The following CLSTN1 variants were observed in gnomAD, a reference collection of about 807,000 sequenced individuals.
The protein encoded by CLSTN1 is calsyntenin 1.
In CLSTN1, 28 loss-of-function variants were observed where a neutral mutation model predicts 108.3. That is an observed-to-expected ratio of 0.26 (90% CI 0.19 to 0.35). The LOEUF (loss-of-function observed/expected upper bound fraction) is 0.35, where lower values mean the gene tolerates loss of function less well. Ranked by LOEUF, CLSTN1 falls within the 10% of genes least tolerant of loss-of-function variation. The pLI, the probability that CLSTN1 is intolerant of heterozygous loss-of-function variation, is 1.00. For missense variants in CLSTN1, 1,157 were observed against 1,302.6 expected, an observed-to-expected ratio of 0.89 and a Z score of 1.72; for synonymous variants, 524 against 534.9, an observed-to-expected ratio of 0.98 and a Z score of 0.28.
chr1:9,779,983 G>C (rs898005193), intron 1 of CLSTN1, among the ~76,000 whole-genome samples: 3 of 151,978 alleles, frequency 2.0e-5, no homozygotes, highest in Non-Finnish European at 4.4e-5. Flanking sequence ...CTCCTGAGTA[G>C]CTGGAATTAC....
At chr1:9,806,858 AAC>A (rs1468472084) in intron 1 of CLSTN1, among the ~76,000 whole-genome samples, 1 of 152,182 alleles carries the variant, frequency 6.6e-6, no homozygotes, top group African/African-American at 2.4e-5. Context: ...CAGCCTGGGC[AAC>A]AGAGTGAGAT....
At chr1:9,788,986 C>A (rs1037943430) in intron 1 of CLSTN1, among the ~76,000 whole-genome samples, 7 of 151,396 alleles carry the variant, frequency 4.6e-5, no homozygotes, top group African/African-American at 1.4e-4. Context: ...CCTCGAGGTG[C>A]CCCCCTGCTG....
At chr1:9,800,330 G>A (rs1406210630) in intron 1 of CLSTN1, among the ~76,000 whole-genome samples, 2 of 151,678 alleles carry the variant, frequency 1.3e-5, no homozygotes, top group Admixed American at 1.3e-4. Flanking sequence ...TAAGCCTCTA[G>A]CCAGGCTAAC....
At chr1:9,754,411 T>C (rs915188808) in intron 4 of CLSTN1, among the ~76,000 whole-genome samples, 1 of 151,416 alleles carries the variant, frequency 6.6e-6, no homozygotes, top group African/African-American at 2.4e-5. Flanking sequence ...ATACAAAAAT[T>C]AGCCAGGCGT....
rs941525967 is a variant in CLSTN1 at position 9,730,213 on chromosome 1, G to C, written c.*295C>G. The C allele has an allele frequency of 6.2e-6, 3 of 484,906 alleles. No homozygotes were observed. The highest frequency in any genetic ancestry group is 1.1e-5 in the Non-Finnish European group (3 of 265,914). 30.0% of individuals were successfully genotyped at this position (484,906 alleles called of 1,614,324 possible). On this transcript the variant is annotated 3_prime_UTR_variant, in exon 19 of 19. Transcript: ENST00000377298. The surrounding 1 kb of genome is among the most constrained non-coding windows in gnomAD (Gnocchi z 5.6). ...TGCGAGGGGCCAGTGTCCTCTCCCCGGGGGGAGACTCCAGACACAAACGCG... is the reference window on the plus strand; with the variant it reads ...TGCGAGGGGCCAGTGTCCTCTCCCCCGGGGGAGACTCCAGACACAAACGCG...
intron 1 of CLSTN1, among the ~76,000 whole-genome samples, chr1:9,796,259 C>G (rs1252507544): frequency 1.8e-5 from 1 of 55,530 alleles, no homozygotes; most frequent in African/African-American, 5.4e-5. Context: ...AAGACTGTCT[C>G]CAAAAACAAA....
Position 9,735,143 on chromosome 1 carries a change from G to C in CLSTN1, c.1915C>G (p.Pro639Ala). 6.2e-7 allele frequency: 1 copy of C among 1,614,194 alleles called. No homozygotes were observed. Among genetic ancestry groups the C allele is most frequent in the Non-Finnish European group, 8.5e-7 (1 of 1,180,044 alleles). The change falls in exon 14 of 19, where the codon CCC becomes GCC. Residue 639 changes from proline to alanine, a missense_variant. Physicochemically the swap from Pro to Ala is conservative, Grantham distance 27 (BLOSUM62 -1). Coordinates refer to ENST00000377298, the MANE Select transcript of CLSTN1 (RefSeq NM_001009566.3). ...CFNEATCISVPPVDGYVMVLQ... is the reference protein window; with the variant it reads ...CFNEATCISVAPVDGYVMVLQ... ...ACCATCACGTAGCCATCTACCGGGG[G>C]GACCGAAATGCAGGTGGCCTCGTTA...
intron 2 of CLSTN1, among the ~76,000 whole-genome samples, chr1:9,757,539 C>A (rs1033218023): frequency 6.6e-6 from 1 of 152,172 alleles, no homozygotes; most frequent in African/African-American, 2.4e-5. Flanking sequence ...CCGCACCCAG[C>A]CGAACAAAAG....
At chr1:9,786,062 T>C (rs919496236) in intron 1 of CLSTN1, among the ~76,000 whole-genome samples, 2 of 151,918 alleles carry the variant, frequency 1.3e-5, no homozygotes, top group African/African-American at 4.8e-5. Flanking sequence ...TGGGAGCTAC[T>C]TGGGACCTCC....
intron 1 of CLSTN1, among the ~76,000 whole-genome samples, chr1:9,820,456 T>G (rs1197593113): frequency 6.6e-6 from 1 of 151,870 alleles, no homozygotes; most frequent in Non-Finnish European, 1.5e-5. Context: ...GAGGCGGAGG[T>G]TGCAGTGAGA....
intron 8 of CLSTN1, 99 bp from the exon 9 acceptor site, chr1:9,744,104 C>T: frequency 1.3e-6 from 2 of 1,486,888 alleles, no homozygotes; most frequent in South Asian, 2.5e-5. Flanking sequence ...ATTTCATCTG[C>T]ATAAATGAAC....
chr1:9,822,708 T>C (rs1655235373), intron 1 of CLSTN1, among the ~76,000 whole-genome samples: 1 of 152,204 alleles, frequency 6.6e-6, no homozygotes, highest in African/African-American at 2.4e-5. Context: ...GACCAGTCAA[T>C]AGCAGAGGCA....
At chr1:9,783,670 AC>A (rs1180204228) in intron 1 of CLSTN1, among the ~76,000 whole-genome samples, 2 of 151,830 alleles carry the variant, frequency 1.3e-5, no homozygotes, top group African/African-American at 4.8e-5. Context: ...AGCCTGGCCA[AC>A]ATGGTGAAAC....
intron 1 of CLSTN1, among the ~76,000 whole-genome samples, chr1:9,784,923 T>C (rs746725804): frequency 3.3e-5 from 5 of 152,112 alleles, no homozygotes; most frequent in African/African-American, 1.2e-4. Flanking sequence ...AGGTAAAATA[T>C]TCACAGTTTT....
chr1:9,788,594 G>A lies in CLSTN1; in HGVS notation c.92-15200C>T, dbSNP rs1014158476. 1.1e-4 allele frequency among the ~76,000 whole-genome samples: 16 copies of A among 150,602 alleles called. 1 individual carries two copies. Among genetic ancestry groups the A allele is most frequent in the Admixed American group, 6.1e-4 (9 of 14,792 alleles). ...AAAAAAAAGGAATTTGAGGCCGGGC[G>A]CAGTGGCTCACGCCTGTAATCCCAG... is the stretch of plus-strand genomic sequence containing the variant. On this transcript the variant is annotated intron_variant, in intron 1 of 18. Coordinates refer to ENST00000377298, the MANE Select transcript of CLSTN1 (RefSeq NM_001009566.3).
intron 9 of CLSTN1, among the ~76,000 whole-genome samples, chr1:9,742,761 AGCCGG>A (rs1186033965): frequency 1.3e-5 from 2 of 152,216 alleles, no homozygotes; most frequent in African/African-American, 4.8e-5. Flanking sequence ...TACAAAAATT[AGCCGG>A]GCGTGGTGGC....
chr1:9,736,369 T>C (rs1042527078), intron 11 of CLSTN1, among the ~76,000 whole-genome samples: 1 of 152,004 alleles, frequency 6.6e-6, no homozygotes, highest in Non-Finnish European at 1.5e-5. Context: ...ATGGTGACAC[T>C]TCCTACGCCA....
At chr1:9,739,491 G>C (rs901796960) in intron 10 of CLSTN1, among the ~76,000 whole-genome samples, 1 of 152,144 alleles carries the variant, frequency 6.6e-6, no homozygotes, top group African/African-American at 2.4e-5. Flanking sequence ...TTAATAAGAA[G>C]GGATCCATTG....
chr1:9,808,222 T>C (rs147032288), intron 1 of CLSTN1, among the ~76,000 whole-genome samples: 85 of 152,328 alleles, frequency 5.6e-4, no homozygotes, highest in Admixed American at 1.7e-3. Flanking sequence ...ACAAATACTG[T>C]ATTTTCCATT....
Sources: gnomAD v4.1 joint callset for allele counts (sites outside exome capture counted in the v4.1 genomes callset) on GRCh38, gnomAD v4.1.1 for gene constraint, Gnocchi (gnomAD v3.1) non-coding constraint, MANE v1.5 for transcripts, NCBI Gene and HGNC (gene_info 2026-07-23, HGNC 2026-07-21) for gene names.